Variants in AGBL1 observed in about 807,000 individuals in gnomAD.
AGBL1 encodes the protein cytosolic carboxypeptidase 4.
AGBL1 carries 130 observed loss-of-function variants against 118.9 expected under a neutral mutation model. The observed-to-expected ratio is 1.09, with a 90% CI of 0.95 to 1.26. The LOEUF is 1.26. Among genes scored for constraint, AGBL1 ranks in the 50% most tolerant of loss-of-function variants. The probability of loss-of-function intolerance (pLI) is 0.00; values close to 1 mark genes in which losing one functional copy is unlikely to be tolerated. For synonymous variants in AGBL1, 555 were observed against 478.9 expected, an observed-to-expected ratio of 1.16 and a Z score of -2.08; for missense variants, 1,584 against 1,298.1, an observed-to-expected ratio of 1.22 and a Z score of -3.38.
chr15:86,296,227 A>AC (rs1042421176), intron 17 of AGBL1: 6 of 150,084 alleles, frequency 4.0e-5, no homozygotes, highest in African/African-American at 1.5e-4. Flanking sequence ...AAAAAAAAAA[A>AC]AACAAAAAAA....
chr15:86,152,681 A>G (rs1023089415), intron 3 of AGBL1, among the ~76,000 whole-genome samples: 1 of 152,236 alleles, frequency 6.6e-6, no homozygotes, highest in Admixed American at 6.5e-5. Flanking sequence ...TAATTAAACT[A>G]AAGAGCTTCT....
At chr15:86,602,426 AAAG>A (rs552893143) in intron 21 of AGBL1, among the ~76,000 whole-genome samples, 30 of 152,328 alleles carry the variant, frequency 2.0e-4, no homozygotes, top group African/African-American at 7.0e-4. Context: ...AAATTGATAA[AAAG>A]AAATTCATCC....
Position 86,279,690 on chromosome 15 carries a change from C to T in AGBL1, c.2127C>T (p.Cys709=), listed in dbSNP as rs989430663. Residue 709 remains cysteine, a synonymous_variant, in exon 16 of 23, where the codon TGC becomes TGT. Transcript: ENST00000614907. The part of the protein sequence containing the change: ...TAVAGGASGK[C]YYTLTFAVTF... ...TTGCAGGCGGAGCATCTGGGAAGTG[C>T]TACTATACCCTCACCTTTGCTGTCA... 5 of 1,613,210 alleles carry T rather than the reference C, an allele frequency of 3.1e-6. No homozygotes were observed. In the African/African-American group the frequency reaches 5.3e-5, roughly 17 times the overall value.
intron 18 of AGBL1, among the ~76,000 whole-genome samples, chr15:86,431,744 T>C (rs1459011131): frequency 6.6e-6 from 1 of 152,206 alleles, no homozygotes; most frequent in Non-Finnish European, 1.5e-5. Context: ...TGAGTTGTGG[T>C]CATTTTATTA....
chr15:86,457,890 G>T (rs185858391), intron 18 of AGBL1, among the ~76,000 whole-genome samples: 47 of 152,302 alleles, frequency 3.1e-4, no homozygotes, highest in Admixed American at 3.1e-3. Flanking sequence ...GGATTAGTGA[G>T]TGCCCCCGAT....
At chr15:86,335,004 G>A (rs2141870252) in intron 17 of AGBL1, among the ~76,000 whole-genome samples, 1 of 152,268 alleles carries the variant, frequency 6.6e-6, no homozygotes. Flanking sequence ...AGACAAATTA[G>A]GCAGCAGTTT....
intron 22 of AGBL1, among the ~76,000 whole-genome samples, chr15:86,906,182 G>A (rs545535611): frequency 1.0e-3 from 153 of 152,334 alleles, no homozygotes; most frequent in Middle Eastern, 3.4e-3. Flanking sequence ...AACCCAGCAC[G>A]CTGCTAATCC....
At chr15:86,575,872 C>T (rs117372734) in intron 21 of AGBL1, among the ~76,000 whole-genome samples, 9 of 152,186 alleles carry the variant, frequency 5.9e-5, no homozygotes, top group East Asian at 1.9e-4. Flanking sequence ...GCTTGGATTA[C>T]GTCTTGAGCC....
At chr15:86,235,264 A>T (rs1378147889) in intron 6 of AGBL1, among the ~76,000 whole-genome samples, 1 of 152,124 alleles carries the variant, frequency 6.6e-6, no homozygotes, top group African/African-American at 2.4e-5. Flanking sequence ...TATTGACTCT[A>T]ATGTGTTTTA....
intron 17 of AGBL1, among the ~76,000 whole-genome samples, chr15:86,392,695 C>G (rs781364505): frequency 1.3e-5 from 2 of 152,156 alleles, no homozygotes; most frequent in Non-Finnish European, 2.9e-5. Flanking sequence ...AGGCATTATT[C>G]AATCCCCTAC....
At chr15:86,360,319 C>CTTTTTTTTT (rs570573457) in intron 17 of AGBL1, among the ~76,000 whole-genome samples, 9 of 136,022 alleles carry the variant, frequency 6.6e-5, no homozygotes, top group Non-Finnish European at 1.3e-4. Flanking sequence ...GGGTTTTTTC[C>CTTTTTTTTT]TTTTTTTTTT....
chr15:86,394,968 A>G (rs2081341370), intron 17 of AGBL1, among the ~76,000 whole-genome samples: 1 of 152,140 alleles, frequency 6.6e-6, no homozygotes, highest in South Asian at 2.1e-4. Context: ...GGTCCTGGTA[A>G]TAAGAAAGAA....
At chr15:86,686,444 T>A (rs945248519) in intron 22 of AGBL1, among the ~76,000 whole-genome samples, 55 of 140,560 alleles carry the variant, frequency 3.9e-4, no homozygotes, top group South Asian at 1.0e-3. Flanking sequence ...TATTCTAAGT[T>A]TTTTTTTTTT....
intron 22 of AGBL1, among the ~76,000 whole-genome samples, chr15:86,714,632 A>G (rs955262779): frequency 1.3e-5 from 2 of 152,222 alleles, no homozygotes; most frequent in African/African-American, 4.8e-5. Flanking sequence ...CTTTCAGAGC[A>G]GGCATGATTC....
At chr15:86,689,510 C>T (rs1456870061) in intron 22 of AGBL1, among the ~76,000 whole-genome samples, 2 of 152,110 alleles carry the variant, frequency 1.3e-5, no homozygotes, top group Non-Finnish European at 2.9e-5. Context: ...TCAAGCCTCT[C>T]ATCCTGTATT....
intron 17 of AGBL1, among the ~76,000 whole-genome samples, chr15:86,327,951 G>A (rs1398661447): frequency 3.3e-5 from 5 of 152,166 alleles, no homozygotes; most frequent in Non-Finnish European, 7.3e-5. Context: ...ATATGGTTTA[G>A]GATCCTGGCT....
intron 22 of AGBL1, among the ~76,000 whole-genome samples, chr15:86,803,059 A>G (rs2078671591): frequency 6.6e-6 from 1 of 152,184 alleles, no homozygotes; most frequent in African/African-American, 2.4e-5. Flanking sequence ...TGTTGGAAAC[A>G]GCATCCAAAT....
chr15:86,324,063 T>C (rs1567199027), intron 17 of AGBL1, among the ~76,000 whole-genome samples: 1 of 152,232 alleles, frequency 6.6e-6, no homozygotes, highest in Non-Finnish European at 1.5e-5. Flanking sequence ...AATAGAGTCA[T>C]AAGCATGTCT....
Position 86,729,355 on chromosome 15 carries a change from G to A in AGBL1, c.3158+54919G>A, listed in dbSNP as rs557924938. Among the ~76,000 whole-genome samples, 302 of 152,242 alleles carry A rather than the reference G, an allele frequency of 2.0e-3. 1 individual carries two copies. The highest frequency in any genetic ancestry group is 2.7e-3 in the Non-Finnish European group (182 of 68,024). On this transcript the variant is annotated intron_variant, in intron 22 of 22. Coordinates refer to ENST00000614907, the MANE Select transcript of AGBL1 (RefSeq NM_001386094.1). Reference sequence around the variant, plus strand: ...ATGTGTATAAATTGTGTGTCACTGAGGTTTGGTGTAAGAATGATCCTGTCA... The same window carrying A: ...ATGTGTATAAATTGTGTGTCACTGAAGTTTGGTGTAAGAATGATCCTGTCA...
Sources: gnomAD v4.1 joint callset for allele counts (sites outside exome capture counted in the v4.1 genomes callset) on GRCh38, gnomAD v4.1.1 for gene constraint, MANE v1.5 for transcripts, NCBI Gene and HGNC (gene_info 2026-07-23, HGNC 2026-07-21) for gene names.